Variants in SLC22A14 observed in about 807,000 individuals in gnomAD.
SLC22A14 encodes solute carrier family 22 member 14, also known as organic cation transporter-like 4.
SLC22A14 carries 50 observed loss-of-function variants against 53.9 expected under a neutral mutation model. The observed-to-expected ratio is 0.93, with a 90% confidence interval of 0.74 to 1.17. The LOEUF (loss-of-function observed/expected upper bound fraction) is 1.17, where lower values mean the gene tolerates loss of function less well. SLC22A14 is among the 50% of genes most tolerant of loss of function. SLC22A14 has a pLI of 0.00. For synonymous variants in SLC22A14, 312 were observed against 303.0 expected (o/e 1.03, Z -0.31); for missense variants, 671 against 734.7 (o/e 0.91, Z 1.00).
intron 6 of SLC22A14, 21 bp from the exon 7 acceptor site, chr3:38,313,367 C>T: frequency 1.3e-6 from 2 of 1,589,858 alleles, no homozygotes; most frequent in South Asian, 1.1e-5. Flanking sequence ...CTGCCTCTGA[C>T]TGGTCCTGCT....
At chr3:38,291,030 C>T (rs932186331) in intron 1 of SLC22A14, among the ~76,000 whole-genome samples, 3 of 152,176 alleles carry the variant, frequency 2.0e-5, no homozygotes, top group Admixed American at 6.5e-5. Context: ...CATATTGCTG[C>T]GTGGGCATGG....
intron 1 of SLC22A14, among the ~76,000 whole-genome samples, chr3:38,295,792 C>G (rs148570580): frequency 1.4e-5 from 2 of 148,006 alleles, no homozygotes; most frequent in East Asian, 4.2e-4. Context: ...GTCTGTCTCT[C>G]TCTCTGTCTG....
Position 38,316,483 on chromosome 3 carries a change from T to A in SLC22A14, c.1692T>A (p.Asp564Glu). Residue 564 changes from aspartate (D) to glutamate (E), a missense_variant, in exon 10 of 11, where the codon GAT becomes GAA. By Grantham distance (45) the Asp-to-Glu change is conservative. Transcript: ENST00000448498. The part of the protein sequence containing the change: ...SLSSLLPETR[D>E]QPLSESLNHS... ...CCTCCCTGCTGCCGGAAACGCGAGA[T>A]CAGCCCCTCTCCGAGAGCCTGAACC... 6.2e-7 allele frequency: 1 copy of A among 1,613,956 alleles called. No individual in the cohort carries two copies. The highest frequency in any genetic ancestry group is 8.5e-7 in the Non-Finnish European group (1 of 1,179,976).
At position 38,313,801 on chromosome 3, in the gene SLC22A14, A is replaced by T. The variant is rs375171174; in HGVS notation, c.1238A>T (p.His413Leu). 5.0e-6 allele frequency: 8 copies of T among 1,612,668 alleles called. No homozygotes were observed. The African/African-American group carries it at 1.1e-4, about 22-fold the overall frequency. Residue 413 changes from histidine (H) to leucine (L), a missense_variant, in exon 8 of 11, where the codon CAC (histidine) becomes CTC (leucine). Coordinates refer to ENST00000448498, the MANE Select transcript of SLC22A14 (RefSeq NM_001320033.2). ...CTGGGCGTGAGCGTCCACTTCAGACACGTGGTCCCCAGCATCATGGAGGTG... is the reference window on the plus strand; with the variant it reads ...CTGGGCGTGAGCGTCCACTTCAGACTCGTGGTCCCCAGCATCATGGAGGTG... ...RELGVSVHFR[H>L]VVPSIMEVPA...
At position 38,307,360 on chromosome 3, in the gene SLC22A14, G is replaced by T. The variant is rs747126906; in HGVS notation, c.620+3G>T. 6.2e-7 allele frequency: 1 copy of T among 1,606,700 alleles called. No homozygotes were observed. Among genetic ancestry groups the T allele is most frequent in the South Asian group, 1.1e-5 (1 of 90,950 alleles). On this transcript the variant is annotated splice_donor_region_variant and intron_variant, in intron 3 of 10. Transcript: ENST00000448498. This position sits in a 1 kb window ranked among gnomAD's most constrained non-coding sequence, Gnocchi z 4.4. ...ATCTTCAGGCTCATAACTGACAAGTGAGTCCCCGGGAGTTTCTGCTGGTCC... is the reference window on the plus strand; with the variant it reads ...ATCTTCAGGCTCATAACTGACAAGTTAGTCCCCGGGAGTTTCTGCTGGTCC...
At chr3:38,279,793 C>T (rs1263449240), upstream of SLC22A14, among the ~76,000 whole-genome samples, 7 of 152,112 alleles carry the variant, frequency 4.6e-5, no homozygotes, top group Admixed American at 4.6e-4. Context: ...GGTTGTGTAT[C>T]TCCTTGATTT....
chr3:38,280,059 A>G (rs1221708285), upstream of SLC22A14, among the ~76,000 whole-genome samples: 1 of 152,162 alleles, frequency 6.6e-6, no homozygotes, highest in African/African-American at 2.4e-5. Context: ...CTGCTTGCTG[A>G]CATCACAGCC....
At position 38,318,448 on chromosome 3, in the gene SLC22A14, C is replaced by T; in HGVS notation, c.*199C>T. 1 of 591,032 alleles carries T rather than the reference C, an allele frequency of 1.7e-6. No individual in the cohort carries two copies. The highest frequency in any genetic ancestry group is 3.1e-6 in the Non-Finnish European group (1 of 327,334). The allele number at this position is 591,032 out of a possible 1,614,324, so 36.6% of individuals were successfully genotyped here. A position where few individuals can be genotyped will look rare whatever the true frequency, so the allele number is the denominator to read the frequency against. On this transcript the variant is annotated 3_prime_UTR_variant, in exon 11 of 11. Transcript: ENST00000448498. ...TGGATTCCAGGCCACAAATTCCAGG[C>T]CTAGTTCAGTCTGGGGGCAGGGTCA...
intron 1 of SLC22A14, among the ~76,000 whole-genome samples, chr3:38,288,044 A>G (rs1703829866): frequency 6.6e-6 from 1 of 152,174 alleles, no homozygotes; most frequent in Admixed American, 6.5e-5. Flanking sequence ...CCATCTCCGG[A>G]ACGATTTCAT....
At chr3:38,291,783 G>A (rs1703919523) in intron 1 of SLC22A14, among the ~76,000 whole-genome samples, 1 of 152,238 alleles carries the variant, frequency 6.6e-6, no homozygotes. Context: ...GGCCTGGAAA[G>A]CTGCTTCTGC....
Position 38,307,292 on chromosome 3 carries a change from T to G in SLC22A14, c.555T>G (p.Thr185=). 1.2e-6 allele frequency: 2 copies of G among 1,614,176 alleles called. No individual in the cohort carries two copies. Among genetic ancestry groups the G allele is most frequent in the Non-Finnish European group, 1.7e-6 (2 of 1,179,984 alleles). Reference sequence around the variant, plus strand: ...GTGGCATGGAGACGAAGAAGGACACTGCACAGATCATGTTCATGGCAGGGC... The same window carrying G: ...GTGGCATGGAGACGAAGAAGGACACGGCACAGATCATGTTCATGGCAGGGC... The part of the protein sequence containing the change: ...LVCGMETKKD[T]AQIMFMAGLP... The change falls in exon 3 of 11, where the codon ACT becomes ACG. Residue 185 remains threonine (T), a synonymous_variant. Coordinates refer to ENST00000448498, the MANE Select transcript of SLC22A14 (RefSeq NM_001320033.2). This position sits in a 1 kb window ranked among gnomAD's most constrained non-coding sequence, Gnocchi z 4.4.
At chr3:38,289,091 G>T (rs1210518127) in intron 1 of SLC22A14, among the ~76,000 whole-genome samples, 2 of 143,714 alleles carry the variant, frequency 1.4e-5, no homozygotes, top group Non-Finnish European at 3.0e-5. Flanking sequence ...GAGACAGAAG[G>T]CACACCTAAG....
At chr3:38,300,727 A>C (rs990435504) in intron 1 of SLC22A14, among the ~76,000 whole-genome samples, 5 of 152,216 alleles carry the variant, frequency 3.3e-5, no homozygotes, top group African/African-American at 1.2e-4. Flanking sequence ...TTTAACTGTA[A>C]TTACTGAAAC....
Position 38,294,537 on chromosome 3 carries a change from G to A in SLC22A14, c.1-11490G>A, listed in dbSNP as rs149750. Among the ~76,000 whole-genome samples the A allele has an allele frequency of 4.3e-4, 66 of 151,982 alleles. 1 individual carries two copies. The highest frequency in any genetic ancestry group is 4.3e-3 in the Admixed American group (66 of 15,266). ...TACATCTTAGGGTTGTTTTTGCCTTGGGGGGAATGCTTCCCATCAGAAAAA... is the reference window on the plus strand; with the variant it reads ...TACATCTTAGGGTTGTTTTTGCCTTAGGGGGAATGCTTCCCATCAGAAAAA... On this transcript the variant is annotated intron_variant, in intron 1 of 10. Coordinates refer to ENST00000448498, the MANE Select transcript of SLC22A14 (RefSeq NM_001320033.2).
intron 2 of SLC22A14, among the ~76,000 whole-genome samples, 165 bp downstream of exon 2, chr3:38,306,707 C>G (rs1234430385): frequency 6.6e-6 from 1 of 152,196 alleles, no homozygotes; most frequent in African/African-American, 2.4e-5. Flanking sequence ...TCCTGTTGCC[C>G]AGCCCTGGCC....
rs1401695178 is a variant in SLC22A14, at chr3:38,313,422, C to G, written c.1100C>G (p.Ser367Cys). Residue 367 changes from serine to cysteine, a missense_variant, in exon 7 of 11, where the codon TCT becomes TGT. Transcript: ENST00000448498. The stretch of plus-strand genomic sequence containing the variant: ...CCCAGAAAGAAGGTGACTCGGGCCT[C>G]TGTCCTGGACTTCTGTAAGAATAGG... ...QLPRKKVTRA[S>C]VLDFCKNRQL... 1 of 1,613,874 alleles carries G rather than the reference C, an allele frequency of 6.2e-7. No individual in the cohort carries two copies.
intron 1 of SLC22A14, among the ~76,000 whole-genome samples, chr3:38,287,536 CA>C (rs1413185699): frequency 3.9e-5 from 6 of 152,102 alleles, no homozygotes; most frequent in African/African-American, 1.4e-4. Context: ...TCTCAGATAT[CA>C]AAACTTTAAA....
Position 38,307,844 on chromosome 3 carries a change from T to C in SLC22A14, c.775+124T>C. The C allele has an allele frequency of 9.3e-7, 1 of 1,076,092 alleles. No individual in the cohort carries two copies. The highest frequency in any genetic ancestry group is 1.4e-6 in the Non-Finnish European group (1 of 728,086). 66.7% of individuals were successfully genotyped at this position (1,076,092 alleles called of 1,614,324 possible). A position where few individuals can be genotyped will look rare whatever the true frequency, so the allele number is the denominator to read the frequency against. On this transcript the variant is annotated intron_variant, in intron 4 of 10. Transcript: ENST00000448498. The surrounding 1 kb of genome is among the most constrained non-coding windows in gnomAD (Gnocchi z 4.4). ...AGGCAGATGGCAAGGGGGCGTGGTG[T>C]AGCTGTAAGAGGGCATGGCGGGGGT...
At chr3:38,313,292 C>T (rs1042806799) in intron 6 of SLC22A14, 96 bp from the exon 7 acceptor site, 1 of 1,386,364 alleles carries the variant, frequency 7.2e-7, no homozygotes, top group African/African-American at 1.4e-5. Context: ...AGCCAGCTGG[C>T]ACTTTCAGGG....
Sources: allele counts gnomAD v4.1 joint callset (sites outside exome capture counted in the v4.1 genomes callset), GRCh38; gene constraint gnomAD v4.1.1; non-coding constraint Gnocchi (gnomAD v3.1); transcripts MANE v1.5; gene names NCBI Gene and HGNC (gene_info 2026-07-23, HGNC 2026-07-21).